The following SUGCT variants were observed in gnomAD, a reference collection of about 807,000 sequenced individuals.
The protein encoded by SUGCT is succinyl-CoA:glutarate-CoA transferase, also known as succinyl-CoA:glutarate CoA-transferase.
In SUGCT, 41 loss-of-function variants were observed where a neutral mutation model predicts 55.0. The observed-to-expected ratio is 0.74, with a 90% CI of 0.58 to 0.97. The LOEUF is 0.97. Ranked by LOEUF, SUGCT falls within the 50% of genes least tolerant of loss-of-function variation. The probability of loss-of-function intolerance (pLI) is 0.00; values close to 1 mark genes in which losing one functional copy is unlikely to be tolerated. For synonymous variants in SUGCT, 187 were observed against 200.4 expected, an observed-to-expected ratio of 0.93 and a Z score of 0.56; for missense variants, 568 against 547.8, an observed-to-expected ratio of 1.04 and a Z score of -0.37.
intron 8 of SUGCT, among the ~76,000 whole-genome samples, chr7:40,279,493 G>A (rs1191318778): frequency 1.3e-5 from 2 of 152,158 alleles, no homozygotes; most frequent in South Asian, 2.1e-4. Context: ...CTATGCTAAT[G>A]TAGAGGGTTG....
intron 11 of SUGCT, among the ~76,000 whole-genome samples, chr7:40,467,826 C>T (rs1007544205): frequency 5.3e-5 from 8 of 152,106 alleles, no homozygotes; most frequent in African/African-American, 1.9e-4. Context: ...ATGACATTTT[C>T]ATTAGCCTGC....
intron 13 of SUGCT, among the ~76,000 whole-genome samples, chr7:40,796,563 C>T (rs751337341): frequency 2.0e-5 from 3 of 152,094 alleles, no homozygotes; most frequent in South Asian, 4.2e-4. Context: ...ATCGGGACCC[C>T]GAAAGCTAGG....
At chr7:40,988,389 A>G in the SUGCT span, among the ~76,000 whole-genome samples, 3 of 151,290 alleles carry the variant, frequency 2.0e-5, no homozygotes, top group Admixed American at 6.6e-5. Context: ...CCAGGAGCAG[A>G]TTCTCCTTCT....
intron 12 of SUGCT, among the ~76,000 whole-genome samples, chr7:40,577,113 A>T (rs568280260): frequency 4.0e-4 from 61 of 152,368 alleles, no homozygotes; most frequent in Middle Eastern, 6.8e-3. Context: ...GGGTTTGAGA[A>T]CCATTACTAG....
the SUGCT span, among the ~76,000 whole-genome samples, chr7:40,954,339 G>A: frequency 6.6e-6 from 1 of 152,164 alleles, no homozygotes; most frequent in Non-Finnish European, 1.5e-5. Context: ...AATTTTCCAG[G>A]TGCCATCTGT....
chr7:40,277,957 C>T (rs1475261482), intron 8 of SUGCT, among the ~76,000 whole-genome samples: 5 of 151,824 alleles, frequency 3.3e-5, no homozygotes, highest in Admixed American at 6.6e-5. Flanking sequence ...TTTATCCTTG[C>T]GATAGTTTAC....
At chr7:40,750,964 C>G (rs190927039) in intron 13 of SUGCT, among the ~76,000 whole-genome samples, 16 of 152,220 alleles carry the variant, frequency 1.1e-4, no homozygotes, top group Non-Finnish European at 2.2e-4. Flanking sequence ...CCCTGGCCAC[C>G]TGGAACTGAT....
At chr7:40,696,433 C>T (rs1211192688) in intron 12 of SUGCT, among the ~76,000 whole-genome samples, 1 of 152,086 alleles carries the variant, frequency 6.6e-6, no homozygotes, top group Non-Finnish European at 1.5e-5. Context: ...GTAGACTATG[C>T]CAGTCTCCAA....
intron 11 of SUGCT, among the ~76,000 whole-genome samples, chr7:40,482,157 A>G (rs1397455271): frequency 6.6e-6 from 1 of 152,202 alleles, no homozygotes; most frequent in Non-Finnish European, 1.5e-5. Context: ...TTTATTGAAG[A>G]AGTACTCAGA....
At chr7:40,135,997 G>T (rs1007347669) in intron 1 of SUGCT, among the ~76,000 whole-genome samples, 2 of 142,452 alleles carry the variant, frequency 1.4e-5, no homozygotes, top group African/African-American at 5.3e-5. Flanking sequence ...GCAGGATGCA[G>T]GATTTTTTTT....
At chr7:40,198,942 G>A (rs1012651059) in intron 6 of SUGCT, among the ~76,000 whole-genome samples, 8 of 151,218 alleles carry the variant, frequency 5.3e-5, no homozygotes, top group African/African-American at 1.9e-4. Context: ...GCAGTGAGCC[G>A]AAATCATGCC....
At chr7:40,972,764 C>T in the SUGCT span, among the ~76,000 whole-genome samples, 1 of 152,160 alleles carries the variant, frequency 6.6e-6, no homozygotes, top group Admixed American at 6.5e-5. Flanking sequence ...AGGGCTACCT[C>T]CCAACAATAA....
chr7:40,624,779 A>ACG (rs1193110183), intron 12 of SUGCT, among the ~76,000 whole-genome samples: 2 of 62,130 alleles, frequency 3.2e-5, no homozygotes, highest in Non-Finnish European at 6.2e-5. Flanking sequence ...GCAAACACAC[A>ACG]CACACACACA....
At chr7:40,985,423 T>C in the SUGCT span, among the ~76,000 whole-genome samples, 1 of 152,258 alleles carries the variant, frequency 6.6e-6, no homozygotes, top group South Asian at 2.1e-4. Flanking sequence ...TGACACGACT[T>C]GAGTGCCTGG....
At position 40,749,452 on chromosome 7, in the gene SUGCT, G is replaced by A. The variant is rs147837552; in HGVS notation, c.1108G>A (p.Val370Ile). Residue 370 changes from valine to isoleucine, a missense_variant, in exon 13 of 14, where the codon GTT becomes ATT. By Grantham distance (29) the Val-to-Ile change is conservative (BLOSUM62 3). Coordinates refer to ENST00000335693, the MANE Select transcript of SUGCT (RefSeq NM_001193313.2). ...AEPQVLHNGL[V>I]MEMEHPTVGK... The stretch of plus-strand genomic sequence containing the variant: ...TTTTCAGGTATTACACAATGGCCTC[G>A]TTATGGAGATGGAGCATCCAACTGT... The A allele has an allele frequency of 4.7e-5, 76 of 1,613,676 alleles. No individual in the cohort carries two copies. In the African/African-American group the frequency reaches 8.0e-4, roughly 17 times the overall value.
chr7:40,885,268 T>C, the SUGCT span, among the ~76,000 whole-genome samples: 1 of 152,150 alleles, frequency 6.6e-6, no homozygotes, highest in Admixed American at 6.5e-5. Context: ...GCAGATGTAC[T>C]GGCTTGGAGA....
intron 9 of SUGCT, among the ~76,000 whole-genome samples, chr7:40,326,333 C>T (rs1796027011): frequency 6.6e-6 from 1 of 152,072 alleles, no homozygotes; most frequent in African/African-American, 2.4e-5. Context: ...TCTAGAAAGC[C>T]CTCAATAAAA....
intron 12 of SUGCT, among the ~76,000 whole-genome samples, chr7:40,530,411 C>T (rs1432755852): frequency 6.6e-6 from 1 of 152,014 alleles, no homozygotes; most frequent in Non-Finnish European, 1.5e-5. Context: ...TGTATAAAAG[C>T]CTTCAAATAC....
chr7:40,846,493 A>C (rs1391590463), intron 13 of SUGCT, among the ~76,000 whole-genome samples: 1 of 152,230 alleles, frequency 6.6e-6, no homozygotes, highest in Non-Finnish European at 1.5e-5. Flanking sequence ...AATGAATATG[A>C]ATAGTATTTC....
Sources: allele counts gnomAD v4.1 joint callset (sites outside exome capture counted in the v4.1 genomes callset), GRCh38; gene constraint gnomAD v4.1.1; transcripts MANE v1.5; gene names NCBI Gene and HGNC (gene_info 2026-07-23, HGNC 2026-07-21).